The following ADGRA1 variants were observed in gnomAD, a reference collection of about 807,000 sequenced individuals.
The protein encoded by ADGRA1 is G-protein coupled receptor 123.
A neutral mutation model predicts 21.3 loss-of-function variants in ADGRA1; 12 were observed. The observed-to-expected ratio is 0.56, with a 90% confidence interval of 0.36 to 0.91. The LOEUF (loss-of-function observed/expected upper bound fraction) is 0.91, where lower values mean the gene tolerates loss of function less well. Among genes scored for constraint, ADGRA1 ranks in the 40% least tolerant of loss-of-function variants. ADGRA1 has a pLI of 0.01. For missense variants in ADGRA1, 790 were observed against 805.6 expected (o/e 0.98, Z 0.23); for synonymous variants, 385 against 368.8 (o/e 1.04, Z -0.50).
chr10:133,122,090 G>A (rs1474618876), intron 5 of ADGRA1, among the ~76,000 whole-genome samples: 1 of 152,224 alleles, frequency 6.6e-6, no homozygotes, highest in Non-Finnish European at 1.5e-5. Flanking sequence ...ATACGTGTGT[G>A]CACGTGTGAG....
At chr10:133,104,894 G>A (rs1054004367) in intron 5 of ADGRA1, among the ~76,000 whole-genome samples, 44 of 152,320 alleles carry the variant, frequency 2.9e-4, no homozygotes, top group African/African-American at 8.7e-4. Context: ...AGACTGGGCT[G>A]CACCTCCTCA....
intron 5 of ADGRA1, among the ~76,000 whole-genome samples, chr10:133,124,297 G>T (rs1003154596): frequency 6.6e-6 from 1 of 152,120 alleles, no homozygotes; most frequent in African/African-American, 2.4e-5. Context: ...CCTTCCCCGG[G>T]CTCTGAGCAA....
intron 5 of ADGRA1, among the ~76,000 whole-genome samples, chr10:133,121,075 A>G (rs1037915082): frequency 1.7e-4 from 26 of 152,210 alleles, no homozygotes; most frequent in African/African-American, 6.0e-4. Flanking sequence ...TTTACCCACT[A>G]AGTTCACCGT....
intron 5 of ADGRA1, among the ~76,000 whole-genome samples, chr10:133,121,045 C>T (rs117030420): frequency 0.024 from 3,689 of 152,256 alleles, 74 homozygotes; most frequent in South Asian, 0.051. Context: ...ACCCGTGGAG[C>T]GACCAGATCA....
intron 2 of ADGRA1, among the ~76,000 whole-genome samples, chr10:133,090,211 G>T (rs967388321): frequency 1.1e-4 from 16 of 152,194 alleles, no homozygotes; most frequent in African/African-American, 3.9e-4. Context: ...CAACTGTGCG[G>T]GGGCCTCCCC....
chr10:133,130,020 A>G lies in ADGRA1; in HGVS notation c.*509A>G, dbSNP rs1195748288. The G allele has an allele frequency of 6.4e-6, 1 of 156,480 alleles. No homozygotes were observed. Among genetic ancestry groups the G allele is most frequent in the Admixed American group, 6.2e-5 (1 of 16,098 alleles). The allele number at this position is 156,480 out of a possible 1,614,324, so 9.7% of individuals were successfully genotyped here. On this transcript the variant is annotated 3_prime_UTR_variant, in exon 7 of 7. Coordinates refer to ENST00000392607, the MANE Select transcript of ADGRA1 (RefSeq NM_001083909.3). The stretch of plus-strand genomic sequence containing the variant: ...GTTCAATGTGTGTGTCTTGCGTTCT[A>G]CTCCGGGGGTGGCGGCGGCAGGTCT...
chr10:133,123,673 C>T (rs1564854235), intron 5 of ADGRA1, among the ~76,000 whole-genome samples: 1 of 151,804 alleles, frequency 6.6e-6, no homozygotes, highest in Non-Finnish European at 1.5e-5. Context: ...CGAAATGGGC[C>T]CCGCTGGGCC....
In ADGRA1 at chr10:133,128,572, C is replaced by G. The variant is rs1305572941; in HGVS notation, c.744C>G (p.Asn248Lys). The stretch of plus-strand genomic sequence containing the variant: ...CCCCCGGCGCCTCCGTGCTGCAGAA[C>G]GAGCACTCATTCCAGGCACAGCTGC... ...HDAPGASVLQNEHSFQAQLRA... is the reference protein window; with the variant it reads ...HDAPGASVLQKEHSFQAQLRA... Residue 248 changes from asparagine (N) to lysine (K), a missense_variant, in exon 7 of 7, where the codon AAC becomes AAG. Physicochemically the swap from Asn to Lys is moderately conservative, Grantham distance 94. Transcript: ENST00000392607. 2 of 1,578,330 alleles carry G rather than the reference C, an allele frequency of 1.3e-6. No homozygotes were observed. The highest frequency in any genetic ancestry group is 2.7e-5 in the African/African-American group (2 of 74,128).
intron 5 of ADGRA1, among the ~76,000 whole-genome samples, chr10:133,109,100 C>T (rs2135885921): frequency 6.7e-6 from 1 of 148,244 alleles, no homozygotes; most frequent in Admixed American, 6.7e-5. Flanking sequence ...CCCCTCATAT[C>T]CTCCATGGAA....
intron 2 of ADGRA1, chr10:133,093,055 T>C (rs1851629473): frequency 6.3e-7 from 1 of 1,589,930 alleles, no homozygotes; most frequent in African/African-American, 1.4e-5. Flanking sequence ...CACCTCACTG[T>C]GTAGGAAAGA....
At chr10:133,110,285 G>C (rs931659716) in intron 5 of ADGRA1, among the ~76,000 whole-genome samples, 1 of 152,270 alleles carries the variant, frequency 6.6e-6, no homozygotes, top group Non-Finnish European at 1.5e-5. Context: ...TTCTTGCTGG[G>C]ACAGGTCACT....
At chr10:133,122,703 G>A (rs374148033) in intron 5 of ADGRA1, among the ~76,000 whole-genome samples, 3 of 152,204 alleles carry the variant, frequency 2.0e-5, no homozygotes, top group East Asian at 3.9e-4. Context: ...GTCACGACCC[G>A]CGGGGCAGAA....
chr10:133,123,760 C>T (rs1852321658), intron 5 of ADGRA1, among the ~76,000 whole-genome samples: 1 of 152,024 alleles, frequency 6.6e-6, no homozygotes, highest in South Asian at 2.1e-4. Context: ...ACCGTCACTC[C>T]TGGGCTTGGG....
intron 4 of ADGRA1, among the ~76,000 whole-genome samples, chr10:133,099,206 G>A (rs1030482363): frequency 3.4e-5 from 5 of 147,220 alleles, no homozygotes; most frequent in African/African-American, 1.2e-4. Context: ...AAGTGCTGGG[G>A]GGACACAGAC....
intron 4 of ADGRA1, among the ~76,000 whole-genome samples, chr10:133,101,614 G>A (rs1165770857): frequency 2.0e-5 from 3 of 152,224 alleles, no homozygotes; most frequent in Non-Finnish European, 4.4e-5. Context: ...CCCCACGGCT[G>A]CTTCCTGAAA....
chr10:133,111,093 G>A (rs1259179034), intron 5 of ADGRA1, among the ~76,000 whole-genome samples: 3 of 151,712 alleles, frequency 2.0e-5, no homozygotes, highest in Non-Finnish European at 2.9e-5. Context: ...GCCTGCCATG[G>A]GCAGCTCCCC....
intron 1 of ADGRA1, 30 bp downstream of exon 1, chr10:133,088,168 G>A: frequency 1.1e-6 from 1 of 943,878 alleles, no homozygotes; most frequent in Non-Finnish European, 1.3e-6. Flanking sequence ...CTGGGCGGCG[G>A]GAGGGACGCG....
intron 5 of ADGRA1, among the ~76,000 whole-genome samples, chr10:133,122,973 C>A (rs1279597198): frequency 6.6e-6 from 1 of 152,272 alleles, no homozygotes; most frequent in African/African-American, 2.4e-5. Context: ...TAAGGCCCAT[C>A]CTGTAACCGT....
At chr10:133,102,948 G>A (rs575959989) in intron 5 of ADGRA1, 106 bp downstream of exon 5, 31 of 1,246,462 alleles carry the variant, frequency 2.5e-5, no homozygotes, top group Non-Finnish European at 3.4e-5. Context: ...GGGGCCTGAG[G>A]ATGATCCGGT....
Sources: gnomAD v4.1 joint callset for allele counts (sites outside exome capture counted in the v4.1 genomes callset) on GRCh38, gnomAD v4.1.1 for gene constraint, MANE v1.5 for transcripts, NCBI Gene and HGNC (gene_info 2026-07-23, HGNC 2026-07-21) for gene names.